AMZ1: variants seen among roughly 807,000 people sequenced by gnomAD.
AMZ1 encodes the protein archaelysin family metallopeptidase 1.
In AMZ1, 39 loss-of-function variants were observed where a neutral mutation model predicts 29.9. The observed-to-expected ratio is 1.30, with a 90% CI of 1.01 to 1.70. The LOEUF (loss-of-function observed/expected upper bound fraction) is 1.70, where lower values mean the gene tolerates loss of function less well. Among genes scored for constraint, AMZ1 ranks in the 40% most tolerant of loss-of-function variants. The pLI, the probability that AMZ1 is intolerant of heterozygous loss-of-function variation, is 0.00. For synonymous variants in AMZ1, 458 were observed against 304.0 expected, an observed-to-expected ratio of 1.51 and a Z score of -5.27; for missense variants, 1,041 against 680.6, an observed-to-expected ratio of 1.53 and a Z score of -5.89.
chr7:2,688,736 C>G (rs897610984), intron 1 of AMZ1, among the ~76,000 whole-genome samples: 15 of 152,178 alleles, frequency 9.9e-5, no homozygotes, highest in Admixed American at 1.3e-4. Flanking sequence ...CGCCGAGAAT[C>G]TCGTCGTGCC....
Position 2,715,810 on chromosome 7 carries a change from G to A in AMZ1, c.*2932G>A, listed in dbSNP as rs1430717684. ...GAGAGAGAATGAGGGCTGCCTTCTC[G>A]AGGAAGGTCACAGCTCACGAATCTT... On this transcript the variant is annotated 3_prime_UTR_variant, in exon 7 of 7. Transcript: ENST00000683327. The A allele has an allele frequency of 1.3e-5, 2 of 152,222 alleles. No individual in the cohort carries two copies. Among genetic ancestry groups the A allele is most frequent in the African/African-American group, 2.4e-5 (1 of 41,456 alleles). The allele number at this position is 152,222 out of a possible 1,614,324, so 9.4% of individuals were successfully genotyped here. A position where few individuals can be genotyped will look rare whatever the true frequency, so the allele number is the denominator to read the frequency against.
intron 4 of AMZ1, among the ~76,000 whole-genome samples, chr7:2,743,644 C>G (rs138062314): frequency 0.015 from 2,220 of 152,282 alleles, 68 homozygotes; most frequent in African/African-American, 0.051. Flanking sequence ...GCATTTCCAA[C>G]TGAGGTACCG....
intron 6 of AMZ1, among the ~76,000 whole-genome samples, chr7:2,710,156 G>T (rs10257934): frequency 0.76 from 115,979 of 152,026 alleles, 44,507 homozygotes; most frequent in South Asian, 0.85. Context: ...CTTTCTCTTT[G>T]CTTTCCCGTC....
At chr7:2,725,690 T>C (rs894900997) in intron 4 of AMZ1, among the ~76,000 whole-genome samples, 7 of 152,174 alleles carry the variant, frequency 4.6e-5, no homozygotes, top group African/African-American at 9.7e-5. Context: ...CCGAAAACCG[T>C]AGACTCTGCC....
chr7:2,720,222 C>T (rs1431479089), downstream of AMZ1, among the ~76,000 whole-genome samples: 1 of 152,206 alleles, frequency 6.6e-6, no homozygotes, highest in Non-Finnish European at 1.5e-5. Context: ...CCCACGCGGA[C>T]GCCCATCCAC....
chr7:2,709,354 CT>C, intron 5 of AMZ1, 110 bp downstream of exon 5: 1 of 1,208,764 alleles, frequency 8.3e-7, no homozygotes, highest in Non-Finnish European at 1.1e-6. Flanking sequence ...GGATGGACCC[CT>C]AACTCTATGG....
intron 1 of AMZ1, among the ~76,000 whole-genome samples, chr7:2,682,123 C>G (rs936484971): frequency 2.0e-5 from 3 of 152,226 alleles, no homozygotes; most frequent in African/African-American, 4.8e-5. Context: ...AATCCAGAAG[C>G]TCAAAGGGCG....
intron 4 of AMZ1, among the ~76,000 whole-genome samples, chr7:2,745,216 G>C (rs992727623): frequency 3.3e-5 from 5 of 152,180 alleles, no homozygotes; most frequent in Non-Finnish European, 7.3e-5. Context: ...ACACATAATT[G>C]TCAGATTCAC....
chr7:2,709,591 A>G (rs767591933), intron 5 of AMZ1, 49 bp from the exon 6 acceptor site: 1 of 1,577,906 alleles, frequency 6.3e-7, no homozygotes, highest in Non-Finnish European at 8.6e-7. Context: ...GATCTGCCGG[A>G]TGCAGGGGCA....
intron 4 of AMZ1, chr7:2,729,555 G>A (rs41308332): frequency 0.011 from 1,627 of 152,504 alleles, 16 homozygotes; most frequent in Middle Eastern, 0.075. Flanking sequence ...GTGACCCAGA[G>A]GCAGGTTTCC....
upstream of AMZ1, among the ~76,000 whole-genome samples, chr7:2,763,919 G>A (rs552869570): frequency 6.6e-6 from 1 of 152,186 alleles, no homozygotes; most frequent in African/African-American, 2.4e-5. Context: ...TTAGAGTCTT[G>A]GTTAAAGTGA....
chr7:2,757,921 TC>T (rs1791380128), intron 4 of AMZ1, among the ~76,000 whole-genome samples: 1 of 152,142 alleles, frequency 6.6e-6, no homozygotes, highest in South Asian at 2.1e-4. Context: ...CTGTTCGCTG[TC>T]CCCACATCAG....
In AMZ1 at chr7:2,731,366, G is replaced by C; in HGVS notation, n.550+21550G>C. On this transcript the variant is annotated intron_variant and non_coding_transcript_variant, in intron 4 of 4. Coordinates refer to the AMZ1 transcript ENST00000489665. This position sits in a 1 kb window ranked among gnomAD's most constrained non-coding sequence, Gnocchi z 6.0. Reference sequence around the variant, plus strand: ...CGCTGGACGTCCTCCAGCCTGTGCGGGTCGCCCCTGAAGTCCGGGAAGTGC... The same window carrying C: ...CGCTGGACGTCCTCCAGCCTGTGCGCGTCGCCCCTGAAGTCCGGGAAGTGC... The C allele has an allele frequency of 6.2e-7, 1 of 1,613,934 alleles. No individual in the cohort carries two copies. The highest frequency in any genetic ancestry group is 8.5e-7 in the Non-Finnish European group (1 of 1,179,918).
rs903612412 is a variant in AMZ1 at position 2,690,479 on chromosome 7, A to AT, written c.-219+2188dup. On this transcript the variant is annotated intron_variant, in intron 1 of 6. Coordinates refer to ENST00000683327, the MANE Select transcript of AMZ1 (RefSeq NM_001384743.1). ...CAAGCGATTGTCCCGGGAGGTGGCT[A>AT]TTTTTAGAGCTTGCCTCTCACATCC... Among the ~76,000 whole-genome samples the AT allele has an allele frequency of 1.1e-4, 16 of 152,162 alleles. 1 individual carries two copies. The highest frequency in any genetic ancestry group is 4.2e-4 in the South Asian group (2 of 4,816).
At chr7:2,687,830 C>A (rs1183038481), upstream of AMZ1, among the ~76,000 whole-genome samples, 1 of 151,500 alleles carries the variant, frequency 6.6e-6, no homozygotes. Flanking sequence ...GGCCTGGTTC[C>A]CCTTCCTCAC....
At position 2,718,889 on chromosome 7, in the gene AMZ1, A is replaced by G. The variant is rs1447227602; in HGVS notation, c.*6011A>G. On this transcript the variant is annotated 3_prime_UTR_variant, in exon 7 of 7. Coordinates refer to ENST00000683327, the MANE Select transcript of AMZ1 (RefSeq NM_001384743.1). The stretch of plus-strand genomic sequence containing the variant: ...GGAAACGGAGTGGGTTGGAAGAGGC[A>G]GAGAACACGCTTTTCTCAGGGTCGC... Among the ~76,000 whole-genome samples, 6 of 152,192 alleles carry G rather than the reference A, an allele frequency of 3.9e-5. No individual in the cohort carries two copies. Among genetic ancestry groups the G allele is most frequent in the Non-Finnish European group, 8.8e-5 (6 of 68,030 alleles).
chr7:2,742,102 G>T (rs1433455581), intron 4 of AMZ1, among the ~76,000 whole-genome samples: 1 of 151,450 alleles, frequency 6.6e-6, no homozygotes, highest in African/African-American at 2.4e-5. Flanking sequence ...GCTCACTGCA[G>T]CCTCCGCCTC....
rs745465848 is a variant in AMZ1 at position 2,708,595 on chromosome 7, C to A, written c.480C>A (p.Ile160=). 6.2e-7 allele frequency: 1 copy of A among 1,612,628 alleles called. No homozygotes were observed. The highest frequency in any genetic ancestry group is 1.1e-5 in the South Asian group (1 of 91,088). The change falls in exon 4 of 7, where the codon ATC becomes ATA. Residue 160 remains isoleucine (I), a synonymous_variant. Transcript: ENST00000683327. The part of the protein sequence containing the change: ...SDRLQLHTDG[I]LSFLKNNKPG... ...CTGGCCCTCTCCCCGCAGACGGCAT[C>A]CTGTCCTTCTTGAAGAACAACAAGC... is the stretch of plus-strand genomic sequence containing the variant.
chr7:2,753,273 C>T (rs1315383734), intron 4 of AMZ1, among the ~76,000 whole-genome samples: 4 of 152,122 alleles, frequency 2.6e-5, no homozygotes, highest in Non-Finnish European at 5.9e-5. Flanking sequence ...CCTGCCTCAG[C>T]CTCCCAAGTA....
Sources: allele counts gnomAD v4.1 joint callset (sites outside exome capture counted in the v4.1 genomes callset), GRCh38; gene constraint gnomAD v4.1.1; non-coding constraint Gnocchi (gnomAD v3.1); transcripts MANE v1.5; gene names NCBI Gene and HGNC (gene_info 2026-07-23, HGNC 2026-07-21).